The following SIL1 variants were observed in gnomAD, a reference collection of about 807,000 sequenced individuals.
SIL1 encodes the protein nucleotide exchange factor SIL1.
Under a neutral mutation model 49.1 loss-of-function variants are expected in SIL1, and 40 were observed. That is an observed-to-expected ratio of 0.81 (90% CI 0.63 to 1.06). The LOEUF (loss-of-function observed/expected upper bound fraction) is 1.06. Ranked by LOEUF, SIL1 falls within the 50% of genes least tolerant of loss-of-function variation. The pLI, the probability that SIL1 is intolerant of heterozygous loss-of-function variation, is 0.00. For synonymous variants in SIL1, 253 were observed against 250.8 expected (o/e 1.01, Z -0.08); for missense variants, 500 against 572.6 (o/e 0.87, Z 1.29).
intron 3 of SIL1, among the ~76,000 whole-genome samples, chr5:139,101,613 A>G (rs1770589643): frequency 6.6e-6 from 1 of 152,248 alleles, no homozygotes; most frequent in African/African-American, 2.4e-5. Context: ...GCAAGTGCTC[A>G]ATAAATTGTG....
At chr5:138,973,174 C>T (rs1767318257) in intron 7 of SIL1, among the ~76,000 whole-genome samples, 1 of 137,396 alleles carries the variant, frequency 7.3e-6, no homozygotes, top group Non-Finnish European at 1.5e-5. Flanking sequence ...GCGCGTTGTG[C>T]ACAGGTACCC....
chr5:139,153,649 G>A (rs13171855), intron 1 of SIL1, among the ~76,000 whole-genome samples: 59,274 of 151,850 alleles, frequency 0.39, 12,679 homozygotes, highest in South Asian at 0.51. Context: ...CCTTAAGCAC[G>A]TTCATCAGCT....
chr5:139,088,290 T>C (rs772223548), intron 3 of SIL1, among the ~76,000 whole-genome samples: 5 of 152,262 alleles, frequency 3.3e-5, no homozygotes, highest in South Asian at 4.1e-4. Context: ...AATATCATGA[T>C]ACATTTTCAA....
At chr5:139,116,409 G>C (rs1770990598) in intron 3 of SIL1, among the ~76,000 whole-genome samples, 1 of 152,068 alleles carries the variant, frequency 6.6e-6, no homozygotes, top group African/African-American at 2.4e-5. Context: ...ATATTTCAGA[G>C]ACTCTCACAG....
At chr5:139,133,826 T>G (rs1342226181) in intron 1 of SIL1, among the ~76,000 whole-genome samples, 1 of 152,224 alleles carries the variant, frequency 6.6e-6, no homozygotes, top group Admixed American at 6.5e-5. Context: ...GAATTCCTAC[T>G]TCCATTTTAT....
intron 1 of SIL1, among the ~76,000 whole-genome samples, chr5:139,132,357 A>G (rs554905390): frequency 2.0e-5 from 3 of 152,194 alleles, no homozygotes; most frequent in Non-Finnish European, 4.4e-5. Flanking sequence ...TCTCCTGCAC[A>G]CACGCTAACA....
chr5:138,951,928 A>G (rs1288889897), intron 7 of SIL1, 44 bp from the exon 8 acceptor site: 2 of 1,550,882 alleles, frequency 1.3e-6, no homozygotes, highest in Non-Finnish European at 1.8e-6. Flanking sequence ...TGCCCAGCCC[A>G]GGGATCGGAT....
At chr5:138,992,523 T>C (rs2150406478) in intron 7 of SIL1, among the ~76,000 whole-genome samples, 1 of 152,320 alleles carries the variant, frequency 6.6e-6, no homozygotes, top group Non-Finnish European at 1.5e-5. Flanking sequence ...GCCTTTCTCA[T>C]ATCCACAGCA....
At chr5:139,074,298 C>G (rs1398254259) in intron 3 of SIL1, among the ~76,000 whole-genome samples, 1 of 152,176 alleles carries the variant, frequency 6.6e-6, no homozygotes, top group Non-Finnish European at 1.5e-5. Context: ...TTCAAGCAAT[C>G]CTCCTGCCTT....
chr5:139,112,696 C>G (rs1009917270), intron 3 of SIL1, among the ~76,000 whole-genome samples: 2 of 150,396 alleles, frequency 1.3e-5, no homozygotes, highest in South Asian at 4.2e-4. Flanking sequence ...CGCCTCCGCC[C>G]GGCCGCCGCC....
At chr5:139,056,616 C>T (rs1373401123) in intron 3 of SIL1, among the ~76,000 whole-genome samples, 6 of 146,922 alleles carry the variant, frequency 4.1e-5, no homozygotes, top group Non-Finnish European at 7.4e-5. Flanking sequence ...GCCCCCCGCC[C>T]GGCCAGCCGC....
chr5:139,064,626 T>C (rs1449875159), intron 3 of SIL1, among the ~76,000 whole-genome samples: 3 of 152,240 alleles, frequency 2.0e-5, no homozygotes, highest in Non-Finnish European at 4.4e-5. Context: ...ATCGTTGGTA[T>C]TGAGAGACCT....
At chr5:139,101,917 G>C (rs1770596559) in intron 3 of SIL1, among the ~76,000 whole-genome samples, 1 of 152,138 alleles carries the variant, frequency 6.6e-6, no homozygotes, top group South Asian at 2.1e-4. Flanking sequence ...AGAAATTCCA[G>C]GGCATCTGAT....
intron 7 of SIL1, among the ~76,000 whole-genome samples, chr5:138,983,726 G>A (rs190358633): frequency 3.9e-5 from 6 of 152,072 alleles, no homozygotes; most frequent in East Asian, 3.9e-4. Flanking sequence ...CAAGAGTGAC[G>A]TCTGGCAGAA....
chr5:139,145,081 T>C (rs981302569), intron 1 of SIL1, among the ~76,000 whole-genome samples: 11 of 152,182 alleles, frequency 7.2e-5, no homozygotes, highest in Non-Finnish European at 1.5e-5. Flanking sequence ...AACAAAATAT[T>C]TGCAAATCAC....
chr5:139,195,008 T>C (rs1381509785), intron 1 of SIL1, among the ~76,000 whole-genome samples: 2 of 150,634 alleles, frequency 1.3e-5, no homozygotes, highest in South Asian at 2.2e-4. Context: ...TCTCGGCTCA[T>C]TGCAACCTCC....
At chr5:139,056,309 G>A (rs1042825023) in intron 3 of SIL1, among the ~76,000 whole-genome samples, 6 of 150,334 alleles carry the variant, frequency 4.0e-5, no homozygotes, top group Admixed American at 1.3e-4. Flanking sequence ...TGTGGGGAGC[G>A]CCTCTGCCCT....
intron 7 of SIL1, among the ~76,000 whole-genome samples, chr5:139,005,524 C>G (rs1267096804): frequency 7.1e-6 from 1 of 141,310 alleles, no homozygotes; most frequent in Non-Finnish European, 1.5e-5. Context: ...CATATGTATA[C>G]ATGTGCCATG....
At chr5:138,990,823 C>T (rs558184601) in intron 7 of SIL1, among the ~76,000 whole-genome samples, 4 of 152,236 alleles carry the variant, frequency 2.6e-5, no homozygotes. Context: ...TCAAGCGATT[C>T]TCCTGCCTTA....
Sources: gnomAD v4.1 joint callset for allele counts (sites outside exome capture counted in the v4.1 genomes callset) on GRCh38, gnomAD v4.1.1 for gene constraint, MANE v1.5 for transcripts, NCBI Gene and HGNC (gene_info 2026-07-23, HGNC 2026-07-21) for gene names.